MOK: variants seen among roughly 807,000 people sequenced by gnomAD.
MOK encodes MAPK/MAK/MRK overlapping kinase.
In MOK, 59 loss-of-function variants were observed where a neutral mutation model predicts 54.2. The ratio of observed to expected loss-of-function variants is 1.09; its 90% CI spans 0.88 to 1.35. The LOEUF (loss-of-function observed/expected upper bound fraction) is 1.35, where lower values mean the gene tolerates loss of function less well. Ranked by LOEUF, MOK falls within the 40% of genes most tolerant of loss-of-function variation. The probability of loss-of-function intolerance (pLI) is 0.00; values close to 1 mark genes in which losing one functional copy is unlikely to be tolerated. For missense variants in MOK, 517 were observed against 526.2 expected (o/e 0.98, Z 0.17); for synonymous variants, 210 against 202.7 (o/e 1.04, Z -0.31).
intron 2 of MOK, chr14:102,278,752 A>G (rs893080415): frequency 6.6e-6 from 3 of 456,112 alleles, no homozygotes; most frequent in Non-Finnish European, 8.8e-6. Flanking sequence ...TCAATGACAC[A>G]TGCATATAAT....
intron 1 of MOK, among the ~76,000 whole-genome samples, chr14:102,294,175 G>C (rs190004389): frequency 6.6e-6 from 1 of 151,072 alleles, no homozygotes; most frequent in Non-Finnish European, 1.5e-5. Context: ...GGCCGGGTGC[G>C]GTGGCTCATG....
chr14:102,270,415 C>A (rs2068257023), intron 2 of MOK, among the ~76,000 whole-genome samples: 1 of 152,108 alleles, frequency 6.6e-6, no homozygotes, highest in Non-Finnish European at 1.5e-5. Context: ...GCCTGGCCAA[C>A]ACAGTGAAAC....
In MOK at chr14:102,231,961, C is replaced by A. The variant is rs534742541; in HGVS notation, c.867-140G>T. On this transcript the variant is annotated intron_variant, in intron 9 of 11. Coordinates refer to ENST00000361847, the MANE Select transcript of MOK (RefSeq NM_014226.3). This position sits in a 1 kb window ranked among gnomAD's most constrained non-coding sequence, Gnocchi z 4.4. ...TTTCTGCCTGAGCTGTAATCAGGAG[C>A]CTTTTTTTTTCTTTTCTGTCTCAGC... The A allele has an allele frequency of 4.7e-6, 3 of 634,914 alleles. No individual in the cohort carries two copies. The highest frequency in any genetic ancestry group is 2.9e-5 in the East Asian group (1 of 34,710). 39.3% of individuals were successfully genotyped at this position (634,914 alleles called of 1,614,324 possible). A position where few individuals can be genotyped will look rare whatever the true frequency, so the allele number is the denominator to read the frequency against.
At chr14:102,304,302 G>T (rs1309840239) in intron 1 of MOK, among the ~76,000 whole-genome samples, 1 of 152,036 alleles carries the variant, frequency 6.6e-6, no homozygotes, top group Admixed American at 6.6e-5. Flanking sequence ...ATTCTAGCTG[G>T]TTGCACTTGG....
At chr14:102,222,125 G>A (rs1184088318), downstream of MOK, among the ~76,000 whole-genome samples, 5 of 148,684 alleles carry the variant, frequency 3.4e-5, no homozygotes, top group African/African-American at 1.0e-4. This position sits in a 1 kb window ranked among gnomAD's most constrained non-coding sequence, Gnocchi z 4.4. Flanking sequence ...AGCAGGAGCC[G>A]CCCTAAAGAG....
In MOK at chr14:102,232,511, C is replaced by T. The variant is rs373084206; in HGVS notation, c.866+24G>A. 4.3e-5 allele frequency: 69 copies of T among 1,602,932 alleles called. No homozygotes were observed. The highest frequency in any genetic ancestry group is 1.1e-5 in the South Asian group (1 of 90,178). On this transcript the variant is annotated intron_variant, in intron 9 of 11. Coordinates refer to ENST00000361847, the MANE Select transcript of MOK (RefSeq NM_014226.3). The surrounding 1 kb of genome is among the most constrained non-coding windows in gnomAD (Gnocchi z 5.1). ...CATTTGCCAGGTCCTGCATCTGCCC[C>T]ACCGAACCCACGAGAGTGCCTACCT...
At chr14:102,229,409 G>C (rs1371660711) in intron 11 of MOK, 43 bp from the exon 12 acceptor site, 1 of 1,614,038 alleles carries the variant, frequency 6.2e-7, no homozygotes, top group Admixed American at 1.7e-5. Flanking sequence ...GTGGCGGCCT[G>C]GGCTGGGTCG....
At chr14:102,220,799 G>T (rs1292385505), downstream of MOK, among the ~76,000 whole-genome samples, 3 of 151,922 alleles carry the variant, frequency 2.0e-5, no homozygotes, top group Admixed American at 2.0e-4. The surrounding 1 kb of genome is among the most constrained non-coding windows in gnomAD (Gnocchi z 4.2). Context: ...TTGAGACAGG[G>T]TCTTGCTCTA....
chr14:102,254,186 C>CAGTAGAG (rs2066750266), intron 4 of MOK, among the ~76,000 whole-genome samples: 1 of 152,144 alleles, frequency 6.6e-6, no homozygotes, highest in South Asian at 2.1e-4. Flanking sequence ...GACGGGGTTT[C>CAGTAGAG]ACTATGTTGA....
At chr14:102,251,073 A>G in intron 6 of MOK, 83 bp from the exon 7 acceptor site, 1 of 1,452,906 alleles carries the variant, frequency 6.9e-7, no homozygotes, top group South Asian at 1.3e-5. Flanking sequence ...TTTATGCACC[A>G]GCAGGAAAAT....
At chr14:102,227,665 G>C (rs896309583), downstream of MOK, among the ~76,000 whole-genome samples, 4 of 152,110 alleles carry the variant, frequency 2.6e-5, no homozygotes, top group African/African-American at 9.7e-5. Flanking sequence ...ACTGGAATCT[G>C]CCCTTCTTCT....
In MOK at chr14:102,229,544, G is replaced by A. The variant is rs1450154085; in HGVS notation, c.1095C>T (p.Ser365=). The part of the protein sequence containing the change: ...SGVVRLSSYS[S]PTLQSVLGSG... ...ATCCAAGCACGGACTGCAGCGTGGG[G>A]CTGGAGTAAGACGACAGTCTGACCA... Residue 365 remains serine (S), a synonymous_variant, in exon 11 of 12, where the codon AGC becomes AGT. Coordinates refer to ENST00000361847, the MANE Select transcript of MOK (RefSeq NM_014226.3). 5 of 1,614,072 alleles carry A rather than the reference G, an allele frequency of 3.1e-6. No individual in the cohort carries two copies. The South Asian group carries it at 3.3e-5, about 11-fold the overall frequency.
intron 2 of MOK, chr14:102,283,192 C>T (rs748331525): frequency 3.7e-5 from 9 of 245,944 alleles, no homozygotes; most frequent in Non-Finnish European, 6.1e-5. Flanking sequence ...AAAAGAAATC[C>T]AACACATTTA....
At chr14:102,267,626 T>A (rs111356898) in intron 2 of MOK, among the ~76,000 whole-genome samples, 212 of 152,310 alleles carry the variant, frequency 1.4e-3, no homozygotes, top group African/African-American at 4.8e-3. Context: ...AGCCAACAAA[T>A]AGAAGCCTGA....
At chr14:102,270,843 C>T (rs80251263) in intron 2 of MOK, among the ~76,000 whole-genome samples, 2,525 of 152,234 alleles carry the variant, frequency 0.017, 37 homozygotes, top group Middle Eastern at 0.031. Context: ...GACAGTTGCA[C>T]AGCCGTATAA....
In MOK at chr14:102,238,842, GCT is replaced by G. The variant is rs1297182675; in HGVS notation, c.591-5055_591-5054del. Among the ~76,000 whole-genome samples, 1 of 151,978 alleles carries G rather than the reference GCT, an allele frequency of 6.6e-6. No individual in the cohort carries two copies. ...AGTATAACTTCAAAATGTCATATAT[GCT>G]CTGTCACCTCCTCTCAAGGAGCCCT... On this transcript the variant is annotated intron_variant, in intron 7 of 11. Transcript: ENST00000361847. The surrounding 1 kb of genome is among the most constrained non-coding windows in gnomAD (Gnocchi z 4.8).
At chr14:102,298,895 A>C (rs1344360326) in intron 1 of MOK, among the ~76,000 whole-genome samples, 1 of 152,186 alleles carries the variant, frequency 6.6e-6, no homozygotes, top group Non-Finnish European at 1.5e-5. Context: ...GAACAAGTCC[A>C]GATGCGCCGC....
rs538682076 is a variant in MOK at position 102,298,071 on chromosome 14, C to T, written c.7+6891G>A. 9.8e-5 allele frequency among the ~76,000 whole-genome samples: 15 copies of T among 152,340 alleles called. No individual in the cohort carries two copies. The East Asian group carries it at 2.7e-3, about 27-fold the overall frequency. On this transcript the variant is annotated intron_variant, in intron 1 of 11. Transcript: ENST00000361847. ...TCAACTGCCCAAGGGCTGAGGGGTGCAGGCACATGGTGTGGGACTGGCGGG... is the reference window on the plus strand; with the variant it reads ...TCAACTGCCCAAGGGCTGAGGGGTGTAGGCACATGGTGTGGGACTGGCGGG...
chr14:102,291,167 C>T (rs1007300025), intron 1 of MOK, among the ~76,000 whole-genome samples: 1 of 152,102 alleles, frequency 6.6e-6, no homozygotes, highest in African/African-American at 2.4e-5. Flanking sequence ...TCCCTTCTGA[C>T]AAAAAACCGG....
Sources: allele counts gnomAD v4.1 joint callset (sites outside exome capture counted in the v4.1 genomes callset), GRCh38; gene constraint gnomAD v4.1.1; non-coding constraint Gnocchi (gnomAD v3.1); transcripts MANE v1.5; gene names NCBI Gene and HGNC (gene_info 2026-07-23, HGNC 2026-07-21).